ST8SIA5: variants seen among roughly 807,000 people sequenced by gnomAD.
The protein encoded by ST8SIA5 is ST8 alpha-N-acetyl-neuraminide alpha-2,8-sialyltransferase 5, also known as alpha-2,8-sialyltransferase 8E.
ST8SIA5 carries 24 observed loss-of-function variants against 40.2 expected under a neutral mutation model. The ratio of observed to expected loss-of-function variants is 0.60; its 90% CI spans 0.43 to 0.84. ST8SIA5 has a LOEUF of 0.84. Ranked by LOEUF, ST8SIA5 falls within the 40% of genes least tolerant of loss-of-function variation. The probability of loss-of-function intolerance (pLI) is 0.00; values close to 1 mark genes in which losing one functional copy is unlikely to be tolerated. For synonymous variants in ST8SIA5, 198 were observed against 201.8 expected, an observed-to-expected ratio of 0.98 and a Z score of 0.16; for missense variants, 465 against 498.5, an observed-to-expected ratio of 0.93 and a Z score of 0.64.
chr18:46,732,179 T>C (rs2039991480), intron 1 of ST8SIA5, among the ~76,000 whole-genome samples: 1 of 152,200 alleles, frequency 6.6e-6, no homozygotes, highest in Non-Finnish European at 1.5e-5. Flanking sequence ...AGACCACCCA[T>C]TGGCAGCCCC....
chr18:46,708,636 C>A (rs572840582), intron 1 of ST8SIA5, among the ~76,000 whole-genome samples: 237 of 152,304 alleles, frequency 1.6e-3, no homozygotes, highest in African/African-American at 5.4e-3. Flanking sequence ...CTAGGGATAA[C>A]CCCTATGCCC....
intron 1 of ST8SIA5, among the ~76,000 whole-genome samples, chr18:46,736,546 C>T (rs1295750921): frequency 6.6e-6 from 1 of 152,094 alleles, no homozygotes; most frequent in African/African-American, 2.4e-5. Flanking sequence ...GAAGAGAAAG[C>T]ACTTGGGAAT....
At chr18:46,690,527 T>C (rs2039494218) in intron 3 of ST8SIA5, among the ~76,000 whole-genome samples, 1 of 151,024 alleles carries the variant, frequency 6.6e-6, no homozygotes, top group Non-Finnish European at 1.5e-5. Context: ...TGCCAAAGGC[T>C]CCCACACTCA....
chr18:46,694,715 C>G (rs906896182), intron 2 of ST8SIA5, among the ~76,000 whole-genome samples: 1 of 152,024 alleles, frequency 6.6e-6, no homozygotes, highest in Non-Finnish European at 1.5e-5. Flanking sequence ...CACTGAAGGG[C>G]TAAAGGAAGT....
chr18:46,746,997 T>C (rs1040494008), intron 1 of ST8SIA5, among the ~76,000 whole-genome samples: 2 of 152,180 alleles, frequency 1.3e-5, no homozygotes, highest in African/African-American at 4.8e-5. Context: ...TAAATGGTGC[T>C]GGGAAAACTG....
intron 1 of ST8SIA5, among the ~76,000 whole-genome samples, chr18:46,708,636 C>G (rs572840582): frequency 6.6e-6 from 1 of 152,188 alleles, no homozygotes; most frequent in African/African-American, 2.4e-5. Flanking sequence ...CTAGGGATAA[C>G]CCCTATGCCC....
intron 1 of ST8SIA5, among the ~76,000 whole-genome samples, chr18:46,709,638 A>G (rs1046381594): frequency 1.3e-5 from 2 of 152,230 alleles, no homozygotes; most frequent in African/African-American, 2.4e-5. Context: ...GTCTAATGAC[A>G]TAAGAAGATG....
intron 1 of ST8SIA5, among the ~76,000 whole-genome samples, chr18:46,719,435 G>A (rs2039828865): frequency 6.6e-6 from 1 of 152,190 alleles, no homozygotes; most frequent in African/African-American, 2.4e-5. Flanking sequence ...ACAAAAACAG[G>A]TAACAGGAAG....
chr18:46,682,230 T>A (rs2039404725), intron 5 of ST8SIA5, among the ~76,000 whole-genome samples, 166 bp from the exon 6 acceptor site: 1 of 152,192 alleles, frequency 6.6e-6, no homozygotes. Context: ...GTCCTTCTGC[T>A]CCTTATCAGG....
chr18:46,704,451 G>C, intron 2 of ST8SIA5, 121 bp downstream of exon 2: 2 of 843,066 alleles, frequency 2.4e-6, no homozygotes, highest in Non-Finnish European at 1.9e-6. Context: ...CCTACTTTTC[G>C]CTCTATAGGA....
chr18:46,750,895 G>A (rs547316349), intron 1 of ST8SIA5, among the ~76,000 whole-genome samples: 2 of 152,112 alleles, frequency 1.3e-5, no homozygotes, highest in Admixed American at 1.3e-4. Flanking sequence ...TCTAACTGAG[G>A]GTTTCAACCC....
At chr18:46,680,562 C>T (rs1242702395) in intron 6 of ST8SIA5, 52 bp from the exon 7 acceptor site, 17 of 1,486,074 alleles carry the variant, frequency 1.1e-5, no homozygotes, top group Non-Finnish European at 1.4e-5. Flanking sequence ...TGCCCTCAGG[C>T]CCCTCGCTTC....
At chr18:46,687,982 A>G (rs1216524746) in intron 4 of ST8SIA5, among the ~76,000 whole-genome samples, 3 of 152,226 alleles carry the variant, frequency 2.0e-5, no homozygotes, top group Non-Finnish European at 4.4e-5. Flanking sequence ...CTCTGAGAGT[A>G]GTGCGGTGAG....
rs9954985 is a variant in ST8SIA5 at position 46,731,081 on chromosome 18, G to A, written c.131+25297C>T. On this transcript the variant is annotated intron_variant, in intron 1 of 6. Transcript: ENST00000315087. ...TGACAAATGGCTCTGTCAACTACGT[G>A]AGCGCTAGTTGTTTATCCGGAGAAG... 9.4e-3 allele frequency among the ~76,000 whole-genome samples: 1,435 copies of A among 152,324 alleles called. 21 individuals are homozygous for A. The highest frequency in any genetic ancestry group is 0.029 in the African/African-American group (1,191 of 41,566).
At chr18:46,755,748 C>A (rs2040237355) in intron 1 of ST8SIA5, among the ~76,000 whole-genome samples, 1 of 151,752 alleles carries the variant, frequency 6.6e-6, no homozygotes, top group Non-Finnish European at 1.5e-5. Context: ...TGACCTTTTG[C>A]GCTAAGGATG....
chr18:46,745,523 G>T (rs944383431), intron 1 of ST8SIA5, among the ~76,000 whole-genome samples: 2 of 152,164 alleles, frequency 1.3e-5, no homozygotes, highest in African/African-American at 4.8e-5. Flanking sequence ...CCAGGAAGAA[G>T]TTGAATCTCT....
intron 1 of ST8SIA5, among the ~76,000 whole-genome samples, chr18:46,736,861 T>A (rs915852647): frequency 1.3e-5 from 2 of 152,018 alleles, no homozygotes; most frequent in East Asian, 3.9e-4. Flanking sequence ...TGGCATCCCA[T>A]ACACATATCC....
chr18:46,679,818 ATGCACCGGTGGGGG>A lies in ST8SIA5; in HGVS notation c.*210_*223del, dbSNP rs1476001106. 5.2e-6 allele frequency: 3 copies of A among 578,806 alleles called. No individual in the cohort carries two copies. The highest frequency in any genetic ancestry group is 1.9e-5 in the African/African-American group (1 of 53,604). The allele number at this position is 578,806 out of a possible 1,614,324, so 35.9% of individuals were successfully genotyped here. The stretch of plus-strand genomic sequence containing the variant: ...CAGGGCAGGTGGACGCACTGGGCGG[ATGCACCGGTGGGGG>A]CCAGGCCAGGAGGCTCAGCACAGAG... On this transcript the variant is annotated 3_prime_UTR_variant, in exon 7 of 7. Transcript: ENST00000315087.
intron 1 of ST8SIA5, chr18:46,731,642 A>G (rs2039985686): frequency 6.6e-6 from 1 of 152,252 alleles, no homozygotes; most frequent in African/African-American, 2.4e-5. Context: ...AAACAACTCA[A>G]TCTTAAGCCA....
Sources: allele counts gnomAD v4.1 joint callset (sites outside exome capture counted in the v4.1 genomes callset), GRCh38; gene constraint gnomAD v4.1.1; transcripts MANE v1.5; gene names NCBI Gene and HGNC (gene_info 2026-07-23, HGNC 2026-07-21).